TCERG1: variants seen among roughly 807,000 people sequenced by gnomAD.
The protein encoded by TCERG1 is TATA box binding protein (TBP)-associated factor, RNA polymerase II, S, 150kD.
TCERG1 carries 37 observed loss-of-function variants against 144.7 expected under a neutral mutation model. The observed-to-expected ratio is 0.26, with a 90% CI of 0.20 to 0.34. The LOEUF (loss-of-function observed/expected upper bound fraction) is 0.34. Ranked by LOEUF, TCERG1 falls within the 10% of genes least tolerant of loss-of-function variation. The pLI is 1.00. For synonymous variants in TCERG1, 492 were observed against 458.2 expected, an observed-to-expected ratio of 1.07 and a Z score of -0.94; for missense variants, 1,027 against 1,380.7, an observed-to-expected ratio of 0.74 and a Z score of 4.06.
intron 1 of TCERG1, among the ~76,000 whole-genome samples, chr5:146,451,146 T>C (rs956796250): frequency 2.6e-5 from 4 of 152,174 alleles, no homozygotes; most frequent in African/African-American, 9.7e-5. Flanking sequence ...AAAGAAAATC[T>C]AAGAGTAGGG....
At chr5:146,465,404 G>A (rs1763689517) in intron 5 of TCERG1, among the ~76,000 whole-genome samples, 1 of 152,038 alleles carries the variant, frequency 6.6e-6, no homozygotes, top group South Asian at 2.1e-4. Flanking sequence ...ATGGATGAAA[G>A]GTACACAATA....
At chr5:146,478,725 G>A in intron 10 of TCERG1, 72 bp downstream of exon 10, 2 of 1,413,836 alleles carry the variant, frequency 1.4e-6, no homozygotes, top group South Asian at 3.2e-5. Flanking sequence ...AATGTGGAAG[G>A]CATTTAGAAA....
At chr5:146,468,169 T>A (rs1342100260) in intron 5 of TCERG1, among the ~76,000 whole-genome samples, 172 bp from the exon 6 acceptor site, 2 of 152,202 alleles carry the variant, frequency 1.3e-5, no homozygotes, top group Non-Finnish European at 2.9e-5. Context: ...GTCATTGGAT[T>A]TGGCAGCACT....
intron 4 of TCERG1, among the ~76,000 whole-genome samples, chr5:146,460,095 T>G (rs1254869142): frequency 6.6e-6 from 1 of 152,036 alleles, no homozygotes; most frequent in Non-Finnish European, 1.5e-5. Context: ...TTAGAATAGT[T>G]TCTAGACTGG....
intron 3 of TCERG1, among the ~76,000 whole-genome samples, chr5:146,458,460 G>A (rs1263395845): frequency 1.3e-5 from 2 of 151,128 alleles, no homozygotes; most frequent in East Asian, 3.9e-4. Flanking sequence ...TTACAGGTGT[G>A]AGCCACCGCG....
intron 9 of TCERG1, among the ~76,000 whole-genome samples, chr5:146,474,892 C>T (rs1340368226): frequency 6.6e-6 from 1 of 152,118 alleles, no homozygotes; most frequent in African/African-American, 2.4e-5. Flanking sequence ...TGGTGGGATA[C>T]AAAAATTTTG....
In TCERG1 at chr5:146,498,602, G is replaced by A. The variant is rs778288422; in HGVS notation, c.2349G>A (p.Met783Ile). 1.2e-6 allele frequency: 2 copies of A among 1,612,200 alleles called. No homozygotes were observed. Among genetic ancestry groups the A allele is most frequent in the Non-Finnish European group, 1.7e-6 (2 of 1,179,190 alleles). Reference sequence around the variant, plus strand: ...CAAGATTCAAAGCAATTGAAAAGATGAAAGACCGAGAAGCCTTGTTTAATG... The same window carrying A: ...CAAGATTCAAAGCAATTGAAAAGATAAAAGACCGAGAAGCCTTGTTTAATG... Reference protein sequence around the residue: ...KDSRFKAIEKMKDREALFNEF... With the variant: ...KDSRFKAIEKIKDREALFNEF... The change falls in exon 17 of 23, where the codon ATG becomes ATA. Residue 783 changes from methionine to isoleucine, a missense_variant. Met to Ile is a conservative substitution (Grantham distance 10). Transcript: ENST00000679501.
At chr5:146,468,535 A>T (rs541502906) in intron 6 of TCERG1, 132 bp downstream of exon 6, 63 of 704,992 alleles carry the variant, frequency 8.9e-5, no homozygotes, top group Admixed American at 1.4e-4. Flanking sequence ...AATGAGCAGT[A>T]TAAATGCAGT....
intron 15 of TCERG1, among the ~76,000 whole-genome samples, chr5:146,487,198 A>G (rs138629970): frequency 1.2e-4 from 19 of 152,324 alleles, no homozygotes; most frequent in African/African-American, 4.1e-4. Flanking sequence ...CAAGAAAGCA[A>G]TCCCATTTAC....
chr5:146,482,870 A>G, intron 14 of TCERG1, 143 bp downstream of exon 14: 7 of 1,188,802 alleles, frequency 5.9e-6, no homozygotes, highest in Non-Finnish European at 7.8e-6. Flanking sequence ...CATTTTTTGC[A>G]ACAGCCTTTT....
At chr5:146,483,990 T>TA (rs34476246) in intron 15 of TCERG1, among the ~76,000 whole-genome samples, 2 of 152,092 alleles carry the variant, frequency 1.3e-5, no homozygotes, top group Non-Finnish European at 2.9e-5. Flanking sequence ...GTAAAAAGGA[T>TA]AAAAAAGCTA....
At chr5:146,502,195 T>G (rs2150860286) in intron 17 of TCERG1, among the ~76,000 whole-genome samples, 1 of 152,272 alleles carries the variant, frequency 6.6e-6, no homozygotes, top group South Asian at 2.1e-4. Context: ...CATCTCACTT[T>G]TAATCCTCCA....
intron 1 of TCERG1, among the ~76,000 whole-genome samples, chr5:146,452,624 C>T (rs1275137268): frequency 2.0e-5 from 3 of 152,158 alleles, no homozygotes; most frequent in Admixed American, 6.5e-5. Context: ...GAGTTTTGCT[C>T]TATTGCCCAG....
At chr5:146,470,594 C>G (rs375710735) in intron 7 of TCERG1, 42 bp from the exon 8 acceptor site, 1 of 1,517,084 alleles carries the variant, frequency 6.6e-7, no homozygotes, top group East Asian at 2.3e-5. Flanking sequence ...TAGAAAATTA[C>G]GTCAAAACCT....
At chr5:146,471,850 G>T (rs1186717908) in intron 9 of TCERG1, among the ~76,000 whole-genome samples, 1 of 152,116 alleles carries the variant, frequency 6.6e-6, no homozygotes, top group Non-Finnish European at 1.5e-5. Flanking sequence ...GCCCGCCTCG[G>T]CCTCCCAAAG....
chr5:146,454,248 G>A (rs1762623148), intron 1 of TCERG1, among the ~76,000 whole-genome samples: 1 of 151,802 alleles, frequency 6.6e-6, no homozygotes, highest in African/African-American at 2.4e-5. Flanking sequence ...CTTATTCTGA[G>A]TTTGTCTGAT....
rs1047130138 is a variant in TCERG1, at chr5:146,453,504, A to G, written c.60-1552A>G. Among the ~76,000 whole-genome samples, 4 of 152,240 alleles carry G rather than the reference A, an allele frequency of 2.6e-5. No individual in the cohort carries two copies. In the East Asian group the frequency reaches 7.7e-4, roughly 29 times the overall value. ...TAGAGATATTATTTTACTTAACTACAGCCTAATTATCAACTTCATAAATTT... is the reference window on the plus strand; with the variant it reads ...TAGAGATATTATTTTACTTAACTACGGCCTAATTATCAACTTCATAAATTT... On this transcript the variant is annotated intron_variant, in intron 1 of 22. Coordinates refer to ENST00000679501, the MANE Select transcript of TCERG1 (RefSeq NM_001382548.1).
intron 2 of TCERG1, among the ~76,000 whole-genome samples, chr5:146,456,128 G>C (rs988484686): frequency 2.0e-5 from 3 of 152,288 alleles, no homozygotes; most frequent in Admixed American, 6.5e-5. Flanking sequence ...TTCTGTTTAG[G>C]TAGGGTTGTG....
Position 146,459,072 on chromosome 5 carries a change from TCAGGCCCAGGCC to T in TCERG1, c.654_665del (p.Ala239_Gln242del). 44,286 of 1,606,152 alleles carry T rather than the reference TCAGGCCCAGGCC, an allele frequency of 0.028. 768 individuals are homozygous for T. Among genetic ancestry groups the T allele is most frequent in the Non-Finnish European group, 0.03 (35,027 of 1,176,312 alleles). On this transcript the variant is annotated inframe_deletion, in exon 4 of 23. Transcript: ENST00000679501. ...CACAAGCTCAGGCCCAGGCTCAGGCTCAGGCCCAGGCCCAGGCCCAGGCCCAGGCCCAGGCCC... is the reference window on the plus strand; with the variant it reads ...CACAAGCTCAGGCCCAGGCTCAGGCTCAGGCCCAGGCCCAGGCCCAGGCCC...
Sources: allele counts gnomAD v4.1 joint callset (sites outside exome capture counted in the v4.1 genomes callset), GRCh38; gene constraint gnomAD v4.1.1; transcripts MANE v1.5; gene names NCBI Gene and HGNC (gene_info 2026-07-23, HGNC 2026-07-21).